The following MRE11 variants were observed in gnomAD, a reference collection of about 807,000 sequenced individuals.
MRE11 encodes double-strand break repair protein MRE11.
MRE11 carries 62 observed loss-of-function variants against 91.7 expected under a neutral mutation model. The ratio of observed to expected loss-of-function variants is 0.68; its 90% CI spans 0.55 to 0.84. The LOEUF (loss-of-function observed/expected upper bound fraction) is 0.84. MRE11 is among the 40% of genes least tolerant of loss of function. MRE11 has a pLI of 0.00. For missense variants in MRE11, 796 were observed against 852.9 expected (o/e 0.93, Z 0.83); for synonymous variants, 273 against 271.4 (o/e 1.01, Z -0.06).
chr11:94,464,044 T>C, intron 11 of MRE11, 69 bp downstream of exon 11: 1 of 1,513,540 alleles, frequency 6.6e-7, no homozygotes, highest in Non-Finnish European at 9.1e-7. Context: ...TATGTTACAG[T>C]TTTTAATAAA....
At chr11:94,443,929 T>G (rs1022549302) in intron 16 of MRE11, among the ~76,000 whole-genome samples, 1 of 151,222 alleles carries the variant, frequency 6.6e-6, no homozygotes, top group East Asian at 1.9e-4. Flanking sequence ...TTTTTTTTTT[T>G]TTTTTTTTTT....
intron 18 of MRE11, among the ~76,000 whole-genome samples, chr11:94,434,259 C>T (rs995367423): frequency 7.2e-5 from 11 of 152,130 alleles, no homozygotes; most frequent in Admixed American, 7.2e-4. Context: ...ACTATACTTA[C>T]ACTTGCTCTA....
At chr11:94,429,499 C>T (rs760248795) in intron 19 of MRE11, among the ~76,000 whole-genome samples, 1 of 152,156 alleles carries the variant, frequency 6.6e-6, no homozygotes, top group Non-Finnish European at 1.5e-5. Flanking sequence ...CACTATGCAG[C>T]CATAAAAAGA....
upstream of MRE11, chr11:94,497,980 A>T: frequency 1.0e-6 from 1 of 975,514 alleles, no homozygotes; most frequent in Non-Finnish European, 1.5e-6. Context: ...TTTTTATTCA[A>T]CTTAATTAAA....
chr11:94,440,106 C>T (rs564545782), intron 16 of MRE11, among the ~76,000 whole-genome samples: 11 of 152,304 alleles, frequency 7.2e-5, no homozygotes, highest in African/African-American at 2.6e-4. Context: ...GCATTCTTAA[C>T]CATCATGCTC....
intron 13 of MRE11, among the ~76,000 whole-genome samples, chr11:94,459,012 T>A (rs1409971177): frequency 2.0e-5 from 3 of 152,228 alleles, no homozygotes; most frequent in Admixed American, 1.3e-4. Context: ...TGTAGTCAAG[T>A]CTAGACAGCT....
At chr11:94,466,926 T>A (rs894174189) in intron 10 of MRE11, among the ~76,000 whole-genome samples, 1 of 152,108 alleles carries the variant, frequency 6.6e-6, no homozygotes, top group Non-Finnish European at 1.5e-5. Flanking sequence ...ACTCTATTGG[T>A]GGTCATTAAA....
chr11:94,441,981 A>T (rs1945793728), intron 16 of MRE11, among the ~76,000 whole-genome samples: 1 of 150,514 alleles, frequency 6.6e-6, no homozygotes, highest in South Asian at 2.1e-4. Context: ...CTGTCTCAAA[A>T]AAAAAAAAAA....
At chr11:94,473,098 A>T (rs1946760261) in intron 7 of MRE11, 1 of 152,144 alleles carries the variant, frequency 6.6e-6, no homozygotes, top group Non-Finnish European at 1.5e-5. Flanking sequence ...AAGCAGTAGA[A>T]GAGCAGATGG....
At chr11:94,492,181 C>T (rs1243090422) in intron 2 of MRE11, among the ~76,000 whole-genome samples, 1 of 151,986 alleles carries the variant, frequency 6.6e-6, no homozygotes, top group Non-Finnish European at 1.5e-5. Flanking sequence ...CTCCGCCTCT[C>T]GGGTTCAAAT....
chr11:94,442,837 C>T (rs903367006), intron 16 of MRE11, among the ~76,000 whole-genome samples: 1 of 152,148 alleles, frequency 6.6e-6, no homozygotes, highest in African/African-American at 2.4e-5. Flanking sequence ...CAGCATGAAT[C>T]CTTTACAATT....
chr11:94,429,990 A>T lies in MRE11; in HGVS notation c.1995-4T>A. The T allele has an allele frequency of 6.2e-7, 1 of 1,614,046 alleles. No homozygotes were observed. Among genetic ancestry groups the T allele is most frequent in the East Asian group, 2.2e-5 (1 of 44,876 alleles). On this transcript the variant is annotated splice_polypyrimidine_tract_variant and splice_region_variant and intron_variant, in intron 18 of 19. Transcript: ENST00000323929. ...GCTGGATGATGTGCTGGACCACCTG[A>T]GGCAAAACAAAAACAAAAACAAACA...
intron 4 of MRE11, among the ~76,000 whole-genome samples, chr11:94,480,717 C>T (rs1591710256): frequency 6.6e-6 from 1 of 152,236 alleles, no homozygotes; most frequent in Non-Finnish European, 1.5e-5. Flanking sequence ...GGACAGTTTT[C>T]CCCTACCTCA....
rs587780142 is a variant in MRE11, at chr11:94,476,412, G to T, written c.545-9C>A. 6.6e-7 allele frequency: 1 copy of T among 1,525,758 alleles called. No individual in the cohort carries two copies. The highest frequency in any genetic ancestry group is 9.1e-7 in the Non-Finnish European group (1 of 1,100,970). The allele number at this position is 1,525,758 out of a possible 1,614,324, so 94.5% of individuals were successfully genotyped here. ...TTCATCTGGAATGGATCCTGAAATGGACATTACATTATTTTTAAATTGTTT... is the reference window on the plus strand; with the variant it reads ...TTCATCTGGAATGGATCCTGAAATGTACATTACATTATTTTTAAATTGTTT... On this transcript the variant is annotated splice_polypyrimidine_tract_variant and intron_variant, in intron 6 of 19. Transcript: ENST00000323929.
At chr11:94,454,069 A>G (rs981357444) in intron 14 of MRE11, among the ~76,000 whole-genome samples, 2 of 150,086 alleles carry the variant, frequency 1.3e-5, no homozygotes, top group African/African-American at 2.5e-5. Context: ...TATGTGAACA[A>G]AAGATTTTTT....
At chr11:94,496,730 G>A, upstream of MRE11, 1 of 1,608,788 alleles carries the variant, frequency 6.2e-7, no homozygotes, top group Non-Finnish European at 8.5e-7. Context: ...TGGAATACCA[G>A]ACCAAGAGAA....
At chr11:94,469,071 G>A (rs1946642092) in intron 9 of MRE11, among the ~76,000 whole-genome samples, 1 of 152,088 alleles carries the variant, frequency 6.6e-6, no homozygotes, top group Admixed American at 6.6e-5. Flanking sequence ...TAACAGAAAT[G>A]TACATAAAAT....
At chr11:94,464,428 A>T (rs1455280410) in intron 10 of MRE11, among the ~76,000 whole-genome samples, 189 bp from the exon 11 acceptor site, 1 of 152,246 alleles carries the variant, frequency 6.6e-6, no homozygotes, top group African/African-American at 2.4e-5. Flanking sequence ...TGAAAAGTTT[A>T]TAAGCATAAG....
At chr11:94,423,145 G>C (rs974518305) in intron 19 of MRE11, among the ~76,000 whole-genome samples, 2 of 152,184 alleles carry the variant, frequency 1.3e-5, no homozygotes, top group African/African-American at 4.8e-5. Context: ...CAGATCTTTG[G>C]AGAAAAAGCA....
Sources: gnomAD v4.1 joint callset for allele counts (sites outside exome capture counted in the v4.1 genomes callset) on GRCh38, gnomAD v4.1.1 for gene constraint, MANE v1.5 for transcripts, NCBI Gene and HGNC (gene_info 2026-07-23, HGNC 2026-07-21) for gene names.